Variants in CFAP97 observed in about 807,000 individuals in gnomAD.
CFAP97 encodes cilia and flagella associated protein 97.
CFAP97 carries 36 observed loss-of-function variants against 43.1 expected under a neutral mutation model. The ratio of observed to expected loss-of-function variants is 0.84; its 90% CI spans 0.64 to 1.10. CFAP97 has a LOEUF of 1.10. Among genes scored for constraint, CFAP97 ranks in the 50% least tolerant of loss-of-function variants. The pLI, the probability that CFAP97 is intolerant of heterozygous loss-of-function variation, is 0.00. For synonymous variants in CFAP97, 228 were observed against 225.7 expected (o/e 1.01, Z -0.09); for missense variants, 657 against 620.3 (o/e 1.06, Z -0.63).
At chr4:185,186,005 A>G (rs917730989) in intron 2 of CFAP97, among the ~76,000 whole-genome samples, 2 of 152,218 alleles carry the variant, frequency 1.3e-5, no homozygotes, top group East Asian at 1.9e-4. Flanking sequence ...TTCCAAAACC[A>G]GGCATAGGTA....
upstream of CFAP97, chr4:185,209,561 C>T: frequency 4.4e-6 from 1 of 227,814 alleles, no homozygotes; most frequent in Non-Finnish European, 7.3e-6. The surrounding 1 kb of genome is among the most constrained non-coding windows in gnomAD (Gnocchi z 5.2). Flanking sequence ...CACTTCAGGG[C>T]GGCCCCGCCC....
chr4:185,171,011 A>G (rs952758503), intron 3 of CFAP97, among the ~76,000 whole-genome samples: 1 of 106,360 alleles, frequency 9.4e-6, no homozygotes, highest in Admixed American at 9.8e-5. Flanking sequence ...AAAAAAAAAA[A>G]AAGAACTGCC....
chr4:185,170,897 A>G (rs1461885391), intron 3 of CFAP97, among the ~76,000 whole-genome samples: 1 of 148,726 alleles, frequency 6.7e-6, no homozygotes, highest in Non-Finnish European at 1.5e-5. Context: ...AGGCAGGAGA[A>G]TAGCTTGAAC....
Position 185,162,943 on chromosome 4 carries a change from A to T in CFAP97, c.1472-18T>A. 1 of 1,525,358 alleles carries T rather than the reference A, an allele frequency of 6.6e-7. No homozygotes were observed. Among genetic ancestry groups the T allele is most frequent in the Non-Finnish European group, 8.7e-7 (1 of 1,143,198 alleles). The allele number at this position is 1,525,358 out of a possible 1,614,324, so 94.5% of individuals were successfully genotyped here. ...GGAAGCTCCTGAAAATATAAAAAGAAGAAATATCTGAGAAACTTCTCCTCA... is the reference window on the plus strand; with the variant it reads ...GGAAGCTCCTGAAAATATAAAAAGATGAAATATCTGAGAAACTTCTCCTCA... On this transcript the variant is annotated intron_variant, in intron 4 of 4. Transcript: ENST00000458385.
upstream of CFAP97, among the ~76,000 whole-genome samples, chr4:185,206,056 C>A (rs554627922): frequency 3.3e-4 from 51 of 152,266 alleles, no homozygotes; most frequent in African/African-American, 1.1e-3. Flanking sequence ...TTATGCATTG[C>A]TTGTGAGAAT....
chr4:185,166,402 T>C (rs892946315), intron 3 of CFAP97, among the ~76,000 whole-genome samples: 4 of 152,230 alleles, frequency 2.6e-5, no homozygotes, highest in Admixed American at 2.0e-4. Flanking sequence ...AACTACACAC[T>C]GAGCTGTGCA....
chr4:185,164,318 G>A, intron 3 of CFAP97, 139 bp from the exon 4 acceptor site: 1 of 867,432 alleles, frequency 1.2e-6, no homozygotes, highest in Non-Finnish European at 1.7e-6. Context: ...ACTCAGGCTG[G>A]CCTGGAACTC....
In CFAP97 at chr4:185,189,607, A is replaced by G. The variant is rs567207535; in HGVS notation, c.1054+536T>C. On this transcript the variant is annotated intron_variant, in intron 2 of 4. Coordinates refer to ENST00000458385, the MANE Select transcript of CFAP97 (RefSeq NM_020827.3). ...TACTCTAATTCAAAAATACCTTATT[A>G]TCTTAAAGCAACTTAATGTTTTTCA... 1.2e-4 allele frequency among the ~76,000 whole-genome samples: 19 copies of G among 152,376 alleles called. No homozygotes were observed. In the South Asian group the frequency reaches 3.7e-3, roughly 30 times the overall value.
intron 2 of CFAP97, among the ~76,000 whole-genome samples, chr4:185,179,340 C>T (rs1735690275): frequency 6.6e-6 from 1 of 151,882 alleles, no homozygotes; most frequent in Non-Finnish European, 1.5e-5. Context: ...TTATAATTTA[C>T]ATTATTTGAC....
At chr4:185,181,019 A>G (rs894750352) in intron 2 of CFAP97, among the ~76,000 whole-genome samples, 4 of 152,092 alleles carry the variant, frequency 2.6e-5, no homozygotes, top group African/African-American at 9.7e-5. Context: ...TTTATTTTAA[A>G]AAGTCAGCGA....
chr4:185,188,190 G>A (rs922742302), intron 2 of CFAP97, among the ~76,000 whole-genome samples: 3 of 151,608 alleles, frequency 2.0e-5, no homozygotes, highest in Non-Finnish European at 4.4e-5. Flanking sequence ...CACCGTGCTC[G>A]GCCGCTATTA....
intron 2 of CFAP97, among the ~76,000 whole-genome samples, chr4:185,183,115 T>A (rs1735868287): frequency 6.6e-6 from 1 of 151,210 alleles, no homozygotes; most frequent in South Asian, 2.1e-4. Context: ...AAAAAAAAGG[T>A]TCTTTTAAAC....
intron 1 of CFAP97, among the ~76,000 whole-genome samples, chr4:185,199,403 T>A (rs1736718463): frequency 6.6e-6 from 1 of 151,886 alleles, no homozygotes. Context: ...GTGCGGTGCC[T>A]CCCACCTATA....
At position 185,164,044 on chromosome 4, in the gene CFAP97, G is replaced by C. The variant is rs762540022; in HGVS notation, c.1456C>G (p.Gln486Glu). The stretch of plus-strand genomic sequence containing the variant: ...AAATGCTTACTTAATGGGCTATATT[G>C]GCCAAGAGTGGATCTGGCCCGTCTT... ...LSRRARSTLGQYSPLRASRTS... is the reference protein window; with the variant it reads ...LSRRARSTLGEYSPLRASRTS... Residue 486 changes from glutamine (Q) to glutamate (E), a missense_variant, in exon 4 of 5, where the codon CAA becomes GAA. Gln to Glu is a conservative substitution (Grantham distance 29). Transcript: ENST00000458385. 2 of 1,613,692 alleles carry C rather than the reference G, an allele frequency of 1.2e-6. No homozygotes were observed. Among genetic ancestry groups the C allele is most frequent in the South Asian group, 1.1e-5 (1 of 91,016 alleles).
Position 185,191,117 on chromosome 4 carries a change from C to G in CFAP97, c.80G>C (p.Cys27Ser), listed in dbSNP as rs1013885011. ...CTTGTCAAAAACTGAGTTAGTTTCA[C>G]ATTTCTTTCCTTCTTCAAAGTCACT... ...FDSDFEEGKK[C>S]ETNSVFDKQN... The change falls in exon 2 of 5, where the codon TGT becomes TCT. Residue 27 changes from cysteine to serine, a missense_variant. Cys to Ser is a moderately radical substitution (Grantham distance 112). Transcript: ENST00000458385. 28 of 1,611,616 alleles carry G rather than the reference C, an allele frequency of 1.7e-5. No homozygotes were observed. The African/African-American group carries it at 3.6e-4, about 21-fold the overall frequency.
rs188762289 is a variant in CFAP97 at position 185,188,671 on chromosome 4, C to G, written c.1054+1472G>C. Among the ~76,000 whole-genome samples, 4 of 151,818 alleles carry G rather than the reference C, an allele frequency of 2.6e-5. No homozygotes were observed. The Admixed American group carries it at 2.6e-4, about 10-fold the overall frequency. ...GTATTATTTTAATATAAGAGTAAGT[C>G]ACTGAAGAGTGGAAACTAATAGGAT... On this transcript the variant is annotated intron_variant, in intron 2 of 4. Coordinates refer to ENST00000458385, the MANE Select transcript of CFAP97 (RefSeq NM_020827.3).
At chr4:185,193,008 C>G (rs879745882) in intron 1 of CFAP97, among the ~76,000 whole-genome samples, 4 of 151,906 alleles carry the variant, frequency 2.6e-5, no homozygotes, top group Admixed American at 6.6e-5. Context: ...CCAAAGTGCT[C>G]AAATTACAGG....
At chr4:185,183,553 C>T (rs772440756) in intron 2 of CFAP97, among the ~76,000 whole-genome samples, 24 of 152,304 alleles carry the variant, frequency 1.6e-4, no homozygotes, top group Non-Finnish European at 2.9e-4. Flanking sequence ...ACCACAGTTG[C>T]AGTTATATGG....
At chr4:185,208,965 A>G (rs1737337151), upstream of CFAP97, among the ~76,000 whole-genome samples, 1 of 152,232 alleles carries the variant, frequency 6.6e-6, no homozygotes, top group Admixed American at 6.5e-5. Flanking sequence ...CGTGGCTGAT[A>G]GCATTTGAAC....
Sources: allele counts gnomAD v4.1 joint callset (sites outside exome capture counted in the v4.1 genomes callset), GRCh38; gene constraint gnomAD v4.1.1; non-coding constraint Gnocchi (gnomAD v3.1); transcripts MANE v1.5; gene names NCBI Gene and HGNC (gene_info 2026-07-23, HGNC 2026-07-21).